The following LAMA4 variants were observed in gnomAD, a reference collection of about 807,000 sequenced individuals.
LAMA4 encodes the protein laminin subunit alpha-4.
LAMA4 carries 127 observed loss-of-function variants against 207.1 expected under a neutral mutation model. That is an observed-to-expected ratio of 0.61 (90% CI 0.53 to 0.71). LAMA4 has a LOEUF of 0.71. LAMA4 is among the 30% of genes least tolerant of loss of function. The pLI, the probability that LAMA4 is intolerant of heterozygous loss-of-function variation, is 0.00. For synonymous variants in LAMA4, 761 were observed against 816.0 expected, an observed-to-expected ratio of 0.93 and a Z score of 1.15; for missense variants, 2,093 against 2,246.5, an observed-to-expected ratio of 0.93 and a Z score of 1.38.
At chr6:112,176,473 A>AT (rs529062096) in intron 10 of LAMA4, among the ~76,000 whole-genome samples, 230 of 152,334 alleles carry the variant, frequency 1.5e-3, no homozygotes, top group Admixed American at 3.8e-3. Flanking sequence ...GTTGTATTTT[A>AT]TGTGGATAAT....
At chr6:112,195,317 G>A (rs971749472) in intron 5 of LAMA4, among the ~76,000 whole-genome samples, 3 of 152,162 alleles carry the variant, frequency 2.0e-5, no homozygotes, top group Non-Finnish European at 4.4e-5. Context: ...ATAAGGCTAG[G>A]AAAACGTATG....
chr6:112,177,290 C>G (rs368899374), intron 10 of LAMA4, among the ~76,000 whole-genome samples: 1 of 152,122 alleles, frequency 6.6e-6, no homozygotes, highest in African/African-American at 2.4e-5. Context: ...CAATATGCCC[C>G]AGTATAAAGA....
At chr6:112,149,208 C>G (rs562278390) in intron 17 of LAMA4, among the ~76,000 whole-genome samples, 1 of 151,836 alleles carries the variant, frequency 6.6e-6, no homozygotes, top group African/African-American at 2.4e-5. Context: ...ATTCTGGATT[C>G]TGATAAATGC....
At chr6:112,171,213 T>C (rs1242573591) in intron 12 of LAMA4, among the ~76,000 whole-genome samples, 1 of 151,070 alleles carries the variant, frequency 6.6e-6, no homozygotes, top group South Asian at 2.1e-4. Flanking sequence ...TATCTGTCTC[T>C]CCTTTTTTTT....
At chr6:112,138,552 A>G (rs1779489526) in intron 24 of LAMA4, among the ~76,000 whole-genome samples, 2 of 152,150 alleles carry the variant, frequency 1.3e-5, no homozygotes, top group South Asian at 4.1e-4. Flanking sequence ...TGAGAAAAAC[A>G]TTTCTGTATC....
At chr6:112,144,263 A>AC (rs1554333971) in intron 19 of LAMA4, among the ~76,000 whole-genome samples, 42 of 152,280 alleles carry the variant, frequency 2.8e-4, no homozygotes, top group African/African-American at 9.6e-4. Flanking sequence ...TGTTGAGTTT[A>AC]TTCCTCTTAG....
Position 112,140,801 on chromosome 6 carries a change from C to A in LAMA4, c.2935G>T (p.Asp979Tyr), listed in dbSNP as rs782472104. 6.2e-7 allele frequency: 1 copy of A among 1,614,058 alleles called. No homozygotes were observed. ...ACTCCACCAACATAAAACACTGTGT[C>A]CTCAGGGTCCAGGTCCAGCAGAGAG... Reference protein sequence around the residue: ...DDSLLDLDPEDTVFYVGGVPS... With the variant: ...DDSLLDLDPEYTVFYVGGVPS... Residue 979 changes from aspartate (D) to tyrosine (Y), a missense_variant, in exon 22 of 39, where the codon GAC becomes TAC. Coordinates refer to ENST00000230538, the MANE Select transcript of LAMA4 (RefSeq NM_001105206.3).
intron 19 of LAMA4, among the ~76,000 whole-genome samples, chr6:112,143,915 G>A (rs1014402389): frequency 6.6e-6 from 1 of 151,908 alleles, no homozygotes; most frequent in Admixed American, 6.6e-5. Context: ...TTGTCACAAG[G>A]GACCATTTAT....
At chr6:112,171,204 ATC>A (rs1781688713) in intron 12 of LAMA4, among the ~76,000 whole-genome samples, 2 of 149,298 alleles carry the variant, frequency 1.3e-5, no homozygotes, top group African/African-American at 4.9e-5. Context: ...ATTTCCTTTT[ATC>A]TGTCTCTCCT....
chr6:112,195,169 G>A (rs1554350091), intron 5 of LAMA4, among the ~76,000 whole-genome samples: 1 of 152,126 alleles, frequency 6.6e-6, no homozygotes, highest in East Asian at 1.9e-4. Context: ...CCTGGGCTAG[G>A]TGGCTCAGAA....
intron 3 of LAMA4, among the ~76,000 whole-genome samples, chr6:112,214,757 A>T (rs1554358113): frequency 6.6e-6 from 1 of 152,188 alleles, no homozygotes; most frequent in East Asian, 1.9e-4. Context: ...CCATCCCTAA[A>T]CATTTATTAG....
In LAMA4 at chr6:112,140,752, T is replaced by C. The variant is rs375051201; in HGVS notation, c.2976+8A>G. On this transcript the variant is annotated splice_region_variant and intron_variant, in intron 22 of 38. Coordinates refer to ENST00000230538, the MANE Select transcript of LAMA4 (RefSeq NM_001105206.3). Reference sequence around the variant, plus strand: ...TGTAATAGGTCAAAATATAGCTGTATGGCTGACCTTGAAGTTGGAAGGCAC... The same window carrying C: ...TGTAATAGGTCAAAATATAGCTGTACGGCTGACCTTGAAGTTGGAAGGCAC... The C allele has an allele frequency of 2.5e-6, 4 of 1,613,264 alleles. No homozygotes were observed. Among genetic ancestry groups the C allele is most frequent in the Non-Finnish European group, 2.5e-6 (3 of 1,179,252 alleles).
chr6:112,168,115 A>G (rs11963821), intron 12 of LAMA4, among the ~76,000 whole-genome samples: 63,409 of 150,242 alleles, frequency 0.42, 15,124 homozygotes, highest in Middle Eastern at 0.64. Context: ...GGAGAATGGC[A>G]CGAACCCGGG....
In LAMA4 at chr6:112,244,823, A is replaced by G. The variant is rs147152387; in HGVS notation, c.195+9133T>C. Reference sequence around the variant, plus strand: ...AAGGTATGATAGATTTATGTAACCAATAATAACCACCCACTGACTCTGCTT... The same window carrying G: ...AAGGTATGATAGATTTATGTAACCAGTAATAACCACCCACTGACTCTGCTT... On this transcript the variant is annotated intron_variant, in intron 2 of 38. Coordinates refer to ENST00000230538, the MANE Select transcript of LAMA4 (RefSeq NM_001105206.3). Among the ~76,000 whole-genome samples, 352 of 152,314 alleles carry G rather than the reference A, an allele frequency of 2.3e-3. 3 individuals carry two copies. The highest frequency in any genetic ancestry group is 7.1e-3 in the African/African-American group (295 of 41,570).
At chr6:112,197,399 T>C (rs1202360793) in intron 5 of LAMA4, among the ~76,000 whole-genome samples, 2 of 152,204 alleles carry the variant, frequency 1.3e-5, no homozygotes, top group African/African-American at 4.8e-5. Context: ...AAGTAAAACA[T>C]GTTTTATGTT....
In LAMA4 at chr6:112,155,419, T is replaced by G. The variant is rs1583741207; in HGVS notation, c.1959+146A>C. 4.8e-6 allele frequency: 4 copies of G among 826,164 alleles called. No individual in the cohort carries two copies. In the East Asian group the frequency reaches 1.0e-4, roughly 22 times the overall value. 51.2% of individuals were successfully genotyped at this position (826,164 alleles called of 1,614,324 possible). A position where few individuals can be genotyped will look rare whatever the true frequency, so the allele number is the denominator to read the frequency against. On this transcript the variant is annotated intron_variant, in intron 15 of 38. Transcript: ENST00000230538. ...CTGCAGACTGAAACCTTCAAGGCAT[T>G]CATGAAATGGTCTTCCCTTAGTTCC...
In LAMA4 at chr6:112,128,991, A is replaced by C; in HGVS notation, c.4218T>G (p.Ser1406=). The C allele has an allele frequency of 6.2e-7, 1 of 1,612,856 alleles. No homozygotes were observed. Among genetic ancestry groups the C allele is most frequent in the Non-Finnish European group, 8.5e-7 (1 of 1,178,922 alleles). The part of the protein sequence containing the change: ...HTSLYECPIE[S]SPLFLLHKKG... Reference sequence around the variant, plus strand: ...TTTTATGGAGGAGAAACAATGGTGAAGACTCAATGGGACACTCATAAAGAG... The same window carrying C: ...TTTTATGGAGGAGAAACAATGGTGACGACTCAATGGGACACTCATAAAGAG... Residue 1406 remains serine, a synonymous_variant, in exon 31 of 39, where the codon TCT becomes TCG. Transcript: ENST00000230538.
Position 112,150,588 on chromosome 6 carries a change from C to G in LAMA4, c.2096G>C (p.Gly699Ala). The change falls in exon 17 of 39, where the codon GGT (glycine) becomes GCT (alanine). Residue 699 changes from glycine to alanine, a missense_variant. Gly to Ala is a moderately conservative substitution (Grantham distance 60, BLOSUM62 0). Transcript: ENST00000230538. ...EAVADTSRRV[G>A]GALARKSALK... The stretch of plus-strand genomic sequence containing the variant: ...GGCACTTTTCCTTGCTAGGGCTCCA[C>G]CCACACGCCTGCTAGTGTCAGCCAC... The G allele has an allele frequency of 6.2e-7, 1 of 1,614,050 alleles. No individual in the cohort carries two copies. The highest frequency in any genetic ancestry group is 8.5e-7 in the Non-Finnish European group (1 of 1,179,946).
chr6:112,145,786 G>C (rs1476161792), intron 18 of LAMA4, among the ~76,000 whole-genome samples: 1 of 152,088 alleles, frequency 6.6e-6, no homozygotes, highest in Admixed American at 6.5e-5. Context: ...TCTAAAAATT[G>C]TATCTAGAGC....
Sources: gnomAD v4.1 joint callset for allele counts (sites outside exome capture counted in the v4.1 genomes callset) on GRCh38, gnomAD v4.1.1 for gene constraint, MANE v1.5 for transcripts, NCBI Gene and HGNC (gene_info 2026-07-23, HGNC 2026-07-21) for gene names.